Variants in SPRY3 observed in about 807,000 individuals in gnomAD.
SPRY3 encodes protein sprouty homolog 3.
Under a neutral mutation model 20.2 loss-of-function variants are expected in SPRY3, and 15 were observed. That is an observed-to-expected ratio of 0.74 (90% CI 0.50 to 1.14). The LOEUF is 1.14. Among genes scored for constraint, SPRY3 ranks in the 50% most tolerant of loss-of-function variants. The pLI is 0.00. For synonymous variants in SPRY3, 143 were observed against 136.5 expected (o/e 1.05, Z -0.33); for missense variants, 364 against 363.9 (o/e 1.00, Z 0.00).
intron 2 of SPRY3, among the ~76,000 whole-genome samples, chrX:155,693,323 C>G (rs2124576182): frequency 9.0e-6 from 1 of 111,389 alleles, no homozygotes; most frequent in South Asian, 3.7e-4. Flanking sequence ...AATTTAATTC[C>G]ACTGTGGTCA....
At chrX:155,736,034 C>T (rs2091166877) in intron 2 of SPRY3, among the ~76,000 whole-genome samples, 1 of 151,800 alleles carries the variant, frequency 6.6e-6, no homozygotes, top group Non-Finnish European at 1.5e-5. Context: ...TACAACTAAT[C>T]TAAATCTACT....
At position 155,707,718 on chromosome X, in the gene SPRY3, A is replaced by T. The variant is rs1330559612; in HGVS notation, c.-282+50693A>T. On this transcript the variant is annotated intron_variant, in intron 2 of 3. Coordinates refer to ENST00000675360, the Ensembl canonical transcript of SPRY3. Reference sequence around the variant, plus strand: ...TTCTTGTCTTAAAGTCTATGTACTCATATCAATATAGCCATTTCAACTCCT... The same window carrying T: ...TTCTTGTCTTAAAGTCTATGTACTCTTATCAATATAGCCATTTCAACTCCT... 2.0e-5 allele frequency among the ~76,000 whole-genome samples: 3 copies of T among 151,316 alleles called. No homozygotes were observed. The East Asian group carries it at 5.8e-4, about 29-fold the overall frequency.
At chrX:155,752,311 G>C (rs1380087028) in intron 2 of SPRY3, among the ~76,000 whole-genome samples, 1 of 150,266 alleles carries the variant, frequency 6.7e-6, no homozygotes, top group Admixed American at 6.6e-5. Context: ...ATCATCAAAA[G>C]ATAAGAAATA....
chrX:155,773,836 A>G, exon 4 of SPRY3: 1 of 1,595,218 alleles, frequency 6.3e-7, no homozygotes, highest in Non-Finnish European at 8.5e-7. Flanking sequence ...TGCCACCCTG[A>G]CTTAAAACCA....
chrX:155,767,417 T>C (rs2091339717), intron 2 of SPRY3, among the ~76,000 whole-genome samples: 1 of 151,958 alleles, frequency 6.6e-6, no homozygotes, highest in Non-Finnish European at 1.5e-5. Flanking sequence ...CCCTGAGCCA[T>C]ATAAATAATC....
chrX:155,720,722 A>G (rs1388637643), intron 2 of SPRY3, among the ~76,000 whole-genome samples: 1 of 152,192 alleles, frequency 6.6e-6, no homozygotes, highest in African/African-American at 2.4e-5. Context: ...AGTCTGCAAG[A>G]ACCACAGTGT....
At chrX:155,732,541 AC>A (rs2091140400) in intron 2 of SPRY3, among the ~76,000 whole-genome samples, 1 of 152,082 alleles carries the variant, frequency 6.6e-6, no homozygotes, top group Non-Finnish European at 1.5e-5. Context: ...GAAACCTCAT[AC>A]TGTCAGTGGG....
At chrX:155,731,797 C>T (rs306909) in intron 2 of SPRY3, among the ~76,000 whole-genome samples, 32,978 of 151,732 alleles carry the variant, frequency 0.22, 6,077 homozygotes, top group African/African-American at 0.53. Flanking sequence ...TAAAGAGTTC[C>T]AACAACTCTA....
intron 2 of SPRY3, among the ~76,000 whole-genome samples, chrX:155,717,032 G>A (rs910506924): frequency 1.6e-5 from 2 of 126,352 alleles, no homozygotes; most frequent in African/African-American, 6.0e-5. Flanking sequence ...GGCAGCATGC[G>A]CCTGTATTCC....
intron 2 of SPRY3, among the ~76,000 whole-genome samples, chrX:155,719,250 C>T (rs895712441): frequency 1.3e-5 from 2 of 152,108 alleles, no homozygotes; most frequent in Non-Finnish European, 2.9e-5. Flanking sequence ...CTGATGCCCG[C>T]CCATGGAGGG....
At chrX:155,774,204 C>A in exon 4 of SPRY3, 1 of 1,614,012 alleles carries the variant, frequency 6.2e-7, no homozygotes, top group Non-Finnish European at 8.5e-7. Context: ...CAGGCCAATC[C>A]ATCATCCGAA....
chrX:155,638,421 G>C (rs2124534778), intron 1 of SPRY3, among the ~76,000 whole-genome samples: 1 of 97,895 alleles, frequency 1.0e-5, no homozygotes, highest in Non-Finnish European at 2.0e-5. Flanking sequence ...GTACTGCTCT[G>C]CAGTGCCACC....
chrX:155,717,492 A>G (rs2091031032), intron 2 of SPRY3, among the ~76,000 whole-genome samples: 1 of 152,020 alleles, frequency 6.6e-6, no homozygotes, highest in Admixed American at 6.6e-5. Flanking sequence ...GCACCCATCA[A>G]CCTGTCATCT....
At chrX:155,721,589 C>T (rs1157904400) in intron 2 of SPRY3, among the ~76,000 whole-genome samples, 11 of 151,646 alleles carry the variant, frequency 7.3e-5, no homozygotes, top group Non-Finnish European at 1.2e-4. Flanking sequence ...TATGGAGCTC[C>T]AATAACCTGG....
chrX:155,680,145 G>GGT (rs774435204), intron 2 of SPRY3, among the ~76,000 whole-genome samples: 5,108 of 70,010 alleles, frequency 0.073, 119 homozygotes, highest in Middle Eastern at 0.081. Context: ...AAGCAATGCT[G>GGT]GTGTGTGTGT....
rs191528109 is a variant in SPRY3, at chrX:155,642,253, C to A, written c.-440-14614C>A. On this transcript the variant is annotated intron_variant, in intron 1 of 3. Coordinates refer to ENST00000675360, the Ensembl canonical transcript of SPRY3. ...ATGTCTAGAAATTTATCAATTTCTT[C>A]AAGATTTTCCAATTTATTGGCATAT... Among the ~76,000 whole-genome samples the A allele has an allele frequency of 4.8e-3, 538 of 111,845 alleles. 2 individuals are homozygous for A. The highest frequency in any genetic ancestry group is 0.016 in the African/African-American group (497 of 30,851).
chrX:155,658,653 T>A (rs1452422677), intron 2 of SPRY3, among the ~76,000 whole-genome samples: 4 of 111,945 alleles, frequency 3.6e-5, no homozygotes, highest in Admixed American at 1.9e-4. Flanking sequence ...ACTTCCTCTC[T>A]TCCAATTTGG....
intron 2 of SPRY3, among the ~76,000 whole-genome samples, chrX:155,674,687 G>A (rs73641126): frequency 0.094 from 10,340 of 110,390 alleles, 717 homozygotes; most frequent in African/African-American, 0.24. Flanking sequence ...ACTCAAGCTT[G>A]CTGTCAACTA....
At chrX:155,725,247 C>T (rs1001711983) in intron 2 of SPRY3, among the ~76,000 whole-genome samples, 1 of 152,094 alleles carries the variant, frequency 6.6e-6, no homozygotes, top group Non-Finnish European at 1.5e-5. Flanking sequence ...ATTTTTGCAT[C>T]GAAGTTCATC....
Sources: gnomAD v4.1 joint callset for allele counts (sites outside exome capture counted in the v4.1 genomes callset) on GRCh38, gnomAD v4.1.1 for gene constraint, MANE v1.5 for transcripts, NCBI Gene and HGNC (gene_info 2026-07-23, HGNC 2026-07-21) for gene names.